The following SGCD variants were observed in gnomAD, a reference collection of about 807,000 sequenced individuals.
SGCD encodes delta-sarcoglycan.
Under a neutral mutation model 36.6 loss-of-function variants are expected in SGCD, and 18 were observed. That is an observed-to-expected ratio of 0.49 (90% CI 0.34 to 0.73). SGCD has a LOEUF of 0.73. Ranked by LOEUF, SGCD falls within the 30% of genes least tolerant of loss-of-function variation. The probability of loss-of-function intolerance (pLI) is 0.01; values close to 1 mark genes in which losing one functional copy is unlikely to be tolerated. For synonymous variants in SGCD, 133 were observed against 130.6 expected, an observed-to-expected ratio of 1.02 and a Z score of -0.12; for missense variants, 387 against 346.7, an observed-to-expected ratio of 1.12 and a Z score of -0.92.
chr5:155,991,594 G>A (rs1310656491), intron 1 of SGCD, among the ~76,000 whole-genome samples: 1 of 152,176 alleles, frequency 6.6e-6, no homozygotes, highest in East Asian at 1.9e-4. Flanking sequence ...GAGACAAGGA[G>A]CAATGTCTAG....
At chr5:155,941,576 A>C (rs1005545865) in intron 1 of SGCD, among the ~76,000 whole-genome samples, 1 of 151,084 alleles carries the variant, frequency 6.6e-6, no homozygotes, top group African/African-American at 2.4e-5. Flanking sequence ...GTTAATAATC[A>C]ATATTATTTA....
intron 3 of SGCD, among the ~76,000 whole-genome samples, chr5:156,369,572 A>ATGGT (rs1254078886): frequency 6.6e-6 from 1 of 152,190 alleles, no homozygotes; most frequent in African/African-American, 2.4e-5. Context: ...GCATTTCACT[A>ATGGT]TGGTGCTTGC....
At chr5:156,587,925 A>T (rs558649518) in intron 4 of SGCD, among the ~76,000 whole-genome samples, 59 of 151,428 alleles carry the variant, frequency 3.9e-4, no homozygotes, top group African/African-American at 1.4e-3. Flanking sequence ...AAGACTTAGA[A>T]GGTAAAGACT....
intron 1 of SGCD, among the ~76,000 whole-genome samples, chr5:156,028,092 G>T (rs1759264102): frequency 6.6e-6 from 1 of 152,142 alleles, no homozygotes; most frequent in Non-Finnish European, 1.5e-5. Context: ...TTTCAACAGA[G>T]GGATTTTGGA....
intron 7 of SGCD, among the ~76,000 whole-genome samples, chr5:156,678,258 G>A (rs776663141): frequency 6.6e-6 from 1 of 152,204 alleles, no homozygotes. Context: ...GTGAAACAGT[G>A]CCCAGTCTAT....
At chr5:155,918,517 C>A (rs111915146) in intron 1 of SGCD, among the ~76,000 whole-genome samples, 2 of 152,132 alleles carry the variant, frequency 1.3e-5, no homozygotes, top group African/African-American at 4.8e-5. Flanking sequence ...GAGCTGAGAT[C>A]GCGCCATTGC....
chr5:156,447,026 A>G (rs1411946002), intron 3 of SGCD, among the ~76,000 whole-genome samples: 1 of 152,166 alleles, frequency 6.6e-6, no homozygotes, highest in Non-Finnish European at 1.5e-5. Flanking sequence ...CCTGAAAGAA[A>G]GTTGAGAACA....
At chr5:156,713,900 G>C (rs532548578) in intron 7 of SGCD, among the ~76,000 whole-genome samples, 2 of 152,334 alleles carry the variant, frequency 1.3e-5, no homozygotes, top group African/African-American at 4.8e-5. Context: ...CACCAATCCA[G>C]TGATTTCACC....
chr5:155,990,436 G>A (rs1758409292), intron 1 of SGCD, among the ~76,000 whole-genome samples: 1 of 152,082 alleles, frequency 6.6e-6, no homozygotes, highest in Non-Finnish European at 1.5e-5. Context: ...TTTCGGTAAG[G>A]AAAGCACATG....
intron 1 of SGCD, among the ~76,000 whole-genome samples, chr5:156,036,678 C>T (rs532485795): frequency 6.6e-6 from 1 of 152,072 alleles, no homozygotes; most frequent in Non-Finnish European, 1.5e-5. Flanking sequence ...TTCCCTTCCT[C>T]AATTGCTGGT....
chr5:156,144,018 G>T (rs548724214), intron 3 of SGCD, among the ~76,000 whole-genome samples: 5 of 151,604 alleles, frequency 3.3e-5, no homozygotes, highest in Admixed American at 2.0e-4. Flanking sequence ...ATAGTTTGCT[G>T]AGAATGATGG....
the SGCD span, among the ~76,000 whole-genome samples, chr5:155,817,431 T>C: frequency 4.0e-5 from 6 of 151,884 alleles, no homozygotes; most frequent in Admixed American, 1.3e-4. Flanking sequence ...ACAATAGGTT[T>C]AATTACTAGA....
intron 3 of SGCD, among the ~76,000 whole-genome samples, chr5:156,475,229 G>A (rs1755129336): frequency 6.6e-6 from 1 of 152,032 alleles, no homozygotes; most frequent in African/African-American, 2.4e-5. Flanking sequence ...ATCCATTACA[G>A]GGTCTCTCCC....
At position 155,881,119 on chromosome 5, in the gene SGCD, G is replaced by T. The variant is rs1755872708; in HGVS notation, c.-282+10695G>T. Among the ~76,000 whole-genome samples the T allele has an allele frequency of 2.0e-5, 3 of 151,944 alleles. 1 individual carries two copies. The South Asian group carries it at 6.2e-4, about 32-fold the overall frequency. ...CAGGGAAGGGAAGGAAATTTCTCAGGTGGTAAACCCAGGGGTGCTGATTTT... is the reference window on the plus strand; with the variant it reads ...CAGGGAAGGGAAGGAAATTTCTCAGTTGGTAAACCCAGGGGTGCTGATTTT... On this transcript the variant is annotated intron_variant, in intron 1 of 9. Coordinates refer to the SGCD transcript ENST00000517913.
intron 4 of SGCD, among the ~76,000 whole-genome samples, chr5:156,576,696 T>G (rs1236546400): frequency 6.6e-6 from 1 of 152,226 alleles, no homozygotes; most frequent in African/African-American, 2.4e-5. Context: ...CATTTTTTCA[T>G]GTGTCTGTTG....
At chr5:156,218,233 C>T (rs1764625506) in intron 3 of SGCD, among the ~76,000 whole-genome samples, 1 of 152,010 alleles carries the variant, frequency 6.6e-6, no homozygotes, top group Non-Finnish European at 1.5e-5. Context: ...GCCTGGGCAA[C>T]AGAGCGAGAC....
the SGCD span, among the ~76,000 whole-genome samples, chr5:155,736,464 C>T: frequency 1.3e-5 from 2 of 152,168 alleles, no homozygotes; most frequent in African/African-American, 4.8e-5. Flanking sequence ...ATTCCCCTAA[C>T]ACCATAACAA....
intron 4 of SGCD, among the ~76,000 whole-genome samples, chr5:156,554,740 G>A (rs1409782742): frequency 1.3e-5 from 2 of 151,618 alleles, no homozygotes; most frequent in Non-Finnish European, 2.9e-5. Context: ...AGATAAGGGA[G>A]GACCACTGTA....
intron 1 of SGCD, among the ~76,000 whole-genome samples, chr5:155,890,638 T>TGATAGATAGATA (rs34093451): frequency 0.016 from 2,232 of 143,502 alleles, 27 homozygotes; most frequent in Admixed American, 0.027. Context: ...GATAGACAGA[T>TGATAGATAGATA]GATAGATAGA....
Sources: gnomAD v4.1 joint callset for allele counts (sites outside exome capture counted in the v4.1 genomes callset) on GRCh38, gnomAD v4.1.1 for gene constraint, MANE v1.5 for transcripts, NCBI Gene and HGNC (gene_info 2026-07-23, HGNC 2026-07-21) for gene names.